The following PRKG2 variants were observed in gnomAD, a reference collection of about 807,000 sequenced individuals.
The protein encoded by PRKG2 is protein kinase cGMP-dependent 2.
Under a neutral mutation model 97.2 loss-of-function variants are expected in PRKG2, and 33 were observed. The ratio of observed to expected loss-of-function variants is 0.34; its 90% CI spans 0.26 to 0.45. The LOEUF (loss-of-function observed/expected upper bound fraction) is 0.45. Among genes scored for constraint, PRKG2 ranks in the 20% least tolerant of loss-of-function variants. The probability of loss-of-function intolerance (pLI) is 1.00; values close to 1 mark genes in which losing one functional copy is unlikely to be tolerated. For missense variants in PRKG2, 638 were observed against 900.0 expected, an observed-to-expected ratio of 0.71 and a Z score of 3.73; for synonymous variants, 330 against 321.8, an observed-to-expected ratio of 1.03 and a Z score of -0.27.
chr4:81,178,922 A>G (rs113945197), intron 2 of PRKG2, among the ~76,000 whole-genome samples: 3 of 152,042 alleles, frequency 2.0e-5, no homozygotes, highest in African/African-American at 7.2e-5. Flanking sequence ...GTCAAGAGAT[A>G]GAGACCATCC....
At chr4:81,146,659 C>T (rs554178372) in intron 9 of PRKG2, among the ~76,000 whole-genome samples, 23 of 152,290 alleles carry the variant, frequency 1.5e-4, no homozygotes, top group Non-Finnish European at 2.9e-4. Flanking sequence ...CTGGTGAGCA[C>T]TTCCCATATG....
intron 14 of PRKG2, among the ~76,000 whole-genome samples, chr4:81,111,794 T>C (rs188732128): frequency 1.3e-3 from 205 of 152,304 alleles, no homozygotes; most frequent in Non-Finnish European, 1.1e-3. Flanking sequence ...AACACACAGT[T>C]GGTTTTCTTT....
chr4:81,092,096 A>T (rs1741597623), intron 18 of PRKG2, among the ~76,000 whole-genome samples: 1 of 152,116 alleles, frequency 6.6e-6, no homozygotes, highest in Non-Finnish European at 1.5e-5. Context: ...GTTCACATCA[A>T]ATTTATACAG....
chr4:81,112,219 C>T (rs1467251399), intron 14 of PRKG2, among the ~76,000 whole-genome samples: 2 of 152,056 alleles, frequency 1.3e-5, no homozygotes, highest in Non-Finnish European at 2.9e-5. Context: ...TGGGCTTTTG[C>T]TGATTTTTTC....
chr4:81,093,997 C>T (rs369943485), intron 17 of PRKG2, among the ~76,000 whole-genome samples: 1 of 152,144 alleles, frequency 6.6e-6, no homozygotes, highest in Non-Finnish European at 1.5e-5. Context: ...AAAAATGGCC[C>T]TGATAGACTT....
chr4:81,116,516 A>G (rs1284846063), intron 14 of PRKG2, among the ~76,000 whole-genome samples: 1 of 152,144 alleles, frequency 6.6e-6, no homozygotes, highest in Non-Finnish European at 1.5e-5. Flanking sequence ...TGGTAGAATG[A>G]TTTATATACC....
intron 12 of PRKG2, among the ~76,000 whole-genome samples, chr4:81,138,331 G>C (rs774373780): frequency 1.8e-4 from 28 of 152,080 alleles, no homozygotes; most frequent in Non-Finnish European, 3.4e-4. Flanking sequence ...TTTCTCCCTA[G>C]CACCACATCC....
At chr4:81,089,924 T>C in intron 18 of PRKG2, 121 bp from the exon 19 acceptor site, 1 of 768,302 alleles carries the variant, frequency 1.3e-6, no homozygotes, top group Non-Finnish European at 2.1e-6. Flanking sequence ...GGAAGTTACA[T>C]ACAAGAAAAA....
Position 81,135,211 on chromosome 4 carries a change from A to G in PRKG2, c.1720T>C (p.Tyr574His). The G allele has an allele frequency of 6.2e-7, 1 of 1,612,662 alleles. No homozygotes were observed. Among genetic ancestry groups the G allele is most frequent in the Non-Finnish European group, 8.5e-7 (1 of 1,178,952 alleles). The change falls in exon 14 of 19, where the codon TAC becomes CAC. Residue 574 changes from tyrosine to histidine, a missense_variant. Physicochemically the swap from Tyr to His is moderately conservative, Grantham distance 83. Around this residue, in one of 3 missense-constraint regions of PRKG2, gnomAD observed 304 missense variants for 460.5 expected, o/e 0.66. Transcript: ENST00000264399. ...FDYLHRLGII[Y>H]RDLKPENLIL... Reference sequence around the variant, plus strand: ...AAGTTTTCTGGTTTCAAGTCTCTGTAGATAATACCTAGTCGATGCAGGTAA... The same window carrying G: ...AAGTTTTCTGGTTTCAAGTCTCTGTGGATAATACCTAGTCGATGCAGGTAA...
At position 81,192,884 on chromosome 4, in the gene PRKG2, C is replaced by G. The variant is rs191769078; in HGVS notation, c.461+11703G>C. On this transcript the variant is annotated intron_variant, in intron 2 of 18. Coordinates refer to ENST00000264399, the MANE Select transcript of PRKG2 (RefSeq NM_006259.3). The stretch of plus-strand genomic sequence containing the variant: ...AATCACTTTATACCCCCAACTTACA[C>G]AGTCAACATTTCTTGAAGCAATAAA... Among the ~76,000 whole-genome samples the G allele has an allele frequency of 3.3e-5, 5 of 152,318 alleles. No homozygotes were observed. In the East Asian group the frequency reaches 9.6e-4, roughly 29 times the overall value.
intron 17 of PRKG2, among the ~76,000 whole-genome samples, chr4:81,097,468 T>G (rs1256288816): frequency 1.3e-5 from 2 of 152,184 alleles, no homozygotes; most frequent in South Asian, 4.1e-4. Context: ...ATTTTTAGAA[T>G]GGCAAATGAG....
chr4:81,136,938 G>A (rs532202325), intron 13 of PRKG2, among the ~76,000 whole-genome samples: 1 of 152,164 alleles, frequency 6.6e-6, no homozygotes, highest in East Asian at 1.9e-4. Context: ...TTACATAGGT[G>A]GTGCTTAGTA....
At chr4:81,202,292 T>C (rs1753364108) in intron 2 of PRKG2, among the ~76,000 whole-genome samples, 1 of 152,302 alleles carries the variant, frequency 6.6e-6, no homozygotes, top group East Asian at 1.9e-4. Context: ...TTGAGCACTT[T>C]TGAAAAATTG....
intron 6 of PRKG2, among the ~76,000 whole-genome samples, chr4:81,158,385 A>G (rs965197708): frequency 7.4e-6 from 1 of 134,758 alleles, no homozygotes; most frequent in African/African-American, 3.8e-5. Context: ...CATGTGAAGG[A>G]CCTCTTCAAG....
At position 81,204,969 on chromosome 4, in the gene PRKG2, G is replaced by T; in HGVS notation, c.79C>A (p.Arg27=). Residue 27 remains arginine (R), a synonymous_variant, in exon 2 of 19, where the codon CGG becomes AGG. Transcript: ENST00000264399. Reference sequence around the variant, plus strand: ...CTCTCCAGCTCTGTCACCTTGTTCCGCAGAGCATCAGTGGTGAGGTTCCCA... The same window carrying T: ...CTCTCCAGCTCTGTCACCTTGTTCCTCAGAGCATCAGTGGTGAGGTTCCCA... ...HSGNLTTDAL[R]NKVTELEREL... 1.2e-6 allele frequency: 2 copies of T among 1,614,036 alleles called. No homozygotes were observed. Among genetic ancestry groups the T allele is most frequent in the Non-Finnish European group, 1.7e-6 (2 of 1,180,014 alleles).
chr4:81,186,719 G>C (rs915984369), intron 2 of PRKG2, among the ~76,000 whole-genome samples: 11 of 152,028 alleles, frequency 7.2e-5, no homozygotes. Context: ...AAAATAGATA[G>C]ACCCCTAGCC....
At chr4:81,151,161 C>T (rs866792570) in intron 8 of PRKG2, among the ~76,000 whole-genome samples, 2 of 151,976 alleles carry the variant, frequency 1.3e-5, no homozygotes, top group Non-Finnish European at 2.9e-5. Flanking sequence ...AATACTATTC[C>T]TTTTCCAAAA....
intron 2 of PRKG2, among the ~76,000 whole-genome samples, chr4:81,176,794 C>T (rs1750967077): frequency 6.6e-6 from 1 of 152,106 alleles, no homozygotes; most frequent in Admixed American, 6.5e-5. Flanking sequence ...GGTTTAACTT[C>T]TTTCTTTTGG....
intron 16 of PRKG2, among the ~76,000 whole-genome samples, chr4:81,105,553 A>G (rs953724932): frequency 6.6e-6 from 1 of 152,156 alleles, no homozygotes; most frequent in African/African-American, 2.4e-5. Context: ...TCTAACAGAT[A>G]AAGATGATAC....
Sources: gnomAD v4.1 joint callset for allele counts (sites outside exome capture counted in the v4.1 genomes callset) on GRCh38, gnomAD v4.1.1 for gene constraint, gnomAD v4.1.1 regional missense constraint, MANE v1.5 for transcripts, NCBI Gene and HGNC (gene_info 2026-07-23, HGNC 2026-07-21) for gene names.